Variants in EPHA6 observed in about 807,000 individuals in gnomAD.
EPHA6 encodes the protein EPH receptor A6.
EPHA6 carries 50 observed loss-of-function variants against 112.0 expected under a neutral mutation model. The ratio of observed to expected loss-of-function variants is 0.45; its 90% CI spans 0.36 to 0.56. The LOEUF (loss-of-function observed/expected upper bound fraction) is 0.56. EPHA6 is among the 20% of genes least tolerant of loss of function. EPHA6 has a pLI of 0.00. For missense variants in EPHA6, 1,280 were observed against 1,417.4 expected (o/e 0.90, Z 1.56); for synonymous variants, 529 against 490.7 (o/e 1.08, Z -1.03).
intron 11 of EPHA6, among the ~76,000 whole-genome samples, chr3:97,581,222 A>G (rs1348320730): frequency 2.0e-5 from 3 of 152,224 alleles, no homozygotes; most frequent in African/African-American, 7.2e-5. Context: ...GTGTTCACCA[A>G]TCTGTCTGGG....
intron 6 of EPHA6, 48 bp downstream of exon 6, chr3:97,405,322 A>T (rs1250273086): frequency 2.0e-6 from 3 of 1,483,684 alleles, no homozygotes; most frequent in Non-Finnish European, 2.8e-6. Context: ...ATATGCATAT[A>T]TATGTATATA....
rs116299801 is a variant in EPHA6 at position 96,855,103 on chromosome 3, A to G, written c.386-11722A>G. On this transcript the variant is annotated intron_variant, in intron 1 of 17. Transcript: ENST00000389672. ...GCTGCCTTCCTCTCTCTTCAGAGCC[A>G]GCAATATTGCATTTCTGCCTTTCTT... is the stretch of plus-strand genomic sequence containing the variant. Among the ~76,000 whole-genome samples the G allele has an allele frequency of 9.3e-3, 1,419 of 152,224 alleles. 19 individuals are homozygous for G. The highest frequency in any genetic ancestry group is 0.033 in the African/African-American group (1,356 of 41,554).
intron 3 of EPHA6, among the ~76,000 whole-genome samples, chr3:97,005,678 C>T (rs1322170497): frequency 6.6e-6 from 1 of 152,148 alleles, no homozygotes; most frequent in Non-Finnish European, 1.5e-5. Flanking sequence ...TAAGAGAGGG[C>T]ATCCTTGTCT....
chr3:96,985,931 A>G (rs1394698433), intron 2 of EPHA6, among the ~76,000 whole-genome samples: 1 of 152,184 alleles, frequency 6.6e-6, no homozygotes, highest in Admixed American at 6.5e-5. Context: ...AGAATGTGTT[A>G]AATAATCTTA....
chr3:97,132,849 G>A (rs1366933725), intron 3 of EPHA6, among the ~76,000 whole-genome samples: 2 of 152,078 alleles, frequency 1.3e-5, no homozygotes, highest in African/African-American at 4.8e-5. Context: ...ATCGAAGTAT[G>A]CATTCACCCA....
In EPHA6 at chr3:97,042,538, C is replaced by T. The variant is rs78634070; in HGVS notation, c.1114+54545C>T. On this transcript the variant is annotated intron_variant, in intron 3 of 17. Transcript: ENST00000389672. ...GCCCAAATTATTGAAATTTTGAGCA[C>T]CTAACTCTTTGAAAAGGATTGTACC... 1.4e-3 allele frequency among the ~76,000 whole-genome samples: 210 copies of T among 152,212 alleles called. 4 individuals are homozygous for T. In the East Asian group the frequency reaches 0.035, roughly 25 times the overall value.
intron 5 of EPHA6, among the ~76,000 whole-genome samples, chr3:97,379,950 T>C (rs1334229085): frequency 6.6e-6 from 1 of 151,812 alleles, no homozygotes. Flanking sequence ...AAATGACAAA[T>C]CAAACTAATA....
At chr3:97,131,157 G>T (rs954894163) in intron 3 of EPHA6, among the ~76,000 whole-genome samples, 1 of 152,024 alleles carries the variant, frequency 6.6e-6, no homozygotes, top group Admixed American at 6.6e-5. Flanking sequence ...ACAAGTGCAT[G>T]CTTTGCTTAA....
intron 5 of EPHA6, among the ~76,000 whole-genome samples, chr3:97,363,904 G>A (rs2084556083): frequency 6.6e-6 from 1 of 152,070 alleles, no homozygotes; most frequent in South Asian, 2.1e-4. Flanking sequence ...AGTCAGTCAC[G>A]AAAGGAGAAA....
intron 14 of EPHA6, among the ~76,000 whole-genome samples, chr3:97,670,251 G>A (rs2030668955): frequency 1.3e-5 from 2 of 152,172 alleles, no homozygotes. Flanking sequence ...AGATTATGGA[G>A]TGATTAAATA....
chr3:97,130,268 G>GT (rs1462572178), intron 3 of EPHA6, among the ~76,000 whole-genome samples: 2 of 151,526 alleles, frequency 1.3e-5, no homozygotes. Context: ...TCTCGGGGTT[G>GT]TTTTTTTCTC....
At chr3:97,660,674 C>G (rs908118617) in intron 14 of EPHA6, among the ~76,000 whole-genome samples, 1 of 152,042 alleles carries the variant, frequency 6.6e-6, no homozygotes, top group African/African-American at 2.4e-5. Flanking sequence ...GAGGGCCCAC[C>G]AGTACAGACA....
chr3:97,215,970 T>C (rs75217530), intron 3 of EPHA6, among the ~76,000 whole-genome samples: 7,874 of 152,186 alleles, frequency 0.052, 698 homozygotes, highest in African/African-American at 0.18. Context: ...AATAAGGGTA[T>C]ATGGAATGTT....
chr3:97,103,487 A>G (rs1217561160), intron 3 of EPHA6, among the ~76,000 whole-genome samples: 1 of 152,026 alleles, frequency 6.6e-6, no homozygotes, highest in Non-Finnish European at 1.5e-5. Flanking sequence ...ATCCTATTCC[A>G]TTGGTCTATG....
intron 3 of EPHA6, among the ~76,000 whole-genome samples, chr3:97,154,961 G>A (rs1304954375): frequency 6.6e-6 from 1 of 152,098 alleles, no homozygotes; most frequent in Non-Finnish European, 1.5e-5. Context: ...AACCAACCTA[G>A]CTGTTTGTAT....
chr3:97,481,256 C>T, intron 9 of EPHA6: 1 of 1,458,574 alleles, frequency 6.9e-7, no homozygotes, highest in African/African-American at 1.4e-5. Flanking sequence ...ACGTACATAA[C>T]CAGGAATTGA....
chr3:97,055,777 CTTTATT>C (rs2108101987), intron 3 of EPHA6, among the ~76,000 whole-genome samples: 1 of 151,826 alleles, frequency 6.6e-6, no homozygotes, highest in Admixed American at 6.6e-5. Context: ...CCTTTGATTT[CTTTATT>C]TTTAAGTAAA....
At chr3:97,549,906 AATTCAATAATCATT>A (rs2093006932) in intron 11 of EPHA6, among the ~76,000 whole-genome samples, 1 of 152,200 alleles carries the variant, frequency 6.6e-6, no homozygotes, top group South Asian at 2.1e-4. Flanking sequence ...GGGGCTTAAA[AATTCAATAATCATT>A]ATTCATTACA....
intron 13 of EPHA6, among the ~76,000 whole-genome samples, chr3:97,620,329 A>G (rs1270219611): frequency 6.6e-6 from 1 of 152,082 alleles, no homozygotes; most frequent in Non-Finnish European, 1.5e-5. Flanking sequence ...AAGACAACCT[A>G]GGTAATACCA....
Sources: allele counts gnomAD v4.1 joint callset (sites outside exome capture counted in the v4.1 genomes callset), GRCh38; gene constraint gnomAD v4.1.1; transcripts MANE v1.5; gene names NCBI Gene and HGNC (gene_info 2026-07-23, HGNC 2026-07-21).